MYH9: variants seen among roughly 807,000 people sequenced by gnomAD.
MYH9 encodes the protein myosin-9.
Under a neutral mutation model 241.9 loss-of-function variants are expected in MYH9, and 29 were observed. That is an observed-to-expected ratio of 0.12 (90% CI 0.09 to 0.16). MYH9 has a LOEUF of 0.16. MYH9 is among the 10% of genes least tolerant of loss of function. MYH9 has a pLI of 1.00. For synonymous variants in MYH9, 1,047 were observed against 1,062.6 expected (o/e 0.99, Z 0.29); for missense variants, 1,803 against 2,595.5 (o/e 0.69, Z 6.63).
At chr22:36,371,323 G>C (rs2018086698) in intron 1 of MYH9, among the ~76,000 whole-genome samples, 1 of 152,116 alleles carries the variant, frequency 6.6e-6, no homozygotes. Context: ...ACGAGGAAGA[G>C]ACACCAGGCG....
At chr22:36,337,299 C>G (rs1274486631) in intron 3 of MYH9, among the ~76,000 whole-genome samples, 1 of 152,164 alleles carries the variant, frequency 6.6e-6, no homozygotes, top group Non-Finnish European at 1.5e-5. Flanking sequence ...TCCCCCACCC[C>G]CAACAGAGAA....
chr22:36,348,678 C>A (rs1008974708), intron 2 of MYH9, among the ~76,000 whole-genome samples: 1 of 152,128 alleles, frequency 6.6e-6, no homozygotes, highest in African/African-American at 2.4e-5. Context: ...AAACAGGCTT[C>A]CTGTTTTGCT....
At chr22:36,297,151 A>G in intron 24 of MYH9, 137 bp from the exon 25 acceptor site, 1 of 967,956 alleles carries the variant, frequency 1.0e-6, no homozygotes. Flanking sequence ...AGACACTCGC[A>G]CCCAACTCCT....
At chr22:36,366,900 G>A (rs933043982) in intron 1 of MYH9, among the ~76,000 whole-genome samples, 5 of 150,322 alleles carry the variant, frequency 3.3e-5, no homozygotes, top group Admixed American at 1.3e-4. Flanking sequence ...TGATCCTAAC[G>A]GCCCCCAGGC....
At chr22:36,371,637 G>C (rs905787616) in intron 1 of MYH9, among the ~76,000 whole-genome samples, 1 of 152,140 alleles carries the variant, frequency 6.6e-6, no homozygotes, top group African/African-American at 2.4e-5. Flanking sequence ...CCAGGTTCAT[G>C]CGATTCTTCC....
intron 1 of MYH9, among the ~76,000 whole-genome samples, chr22:36,361,339 C>T (rs528902294): frequency 5.1e-4 from 78 of 152,286 alleles, no homozygotes; most frequent in African/African-American, 1.8e-3. Flanking sequence ...TCTGCCTTTG[C>T]CTCCTTGAAG....
Position 36,294,914 on chromosome 22 carries a change from C to A in MYH9, c.3630+18G>T, listed in dbSNP as rs2016764736. 6.2e-7 allele frequency: 1 copy of A among 1,610,674 alleles called. No individual in the cohort carries two copies. The highest frequency in any genetic ancestry group is 8.5e-7 in the Non-Finnish European group (1 of 1,179,984). ...GGGAACCCTGCCCTCCCCCTGCGGT[C>A]TCAGGGAGGCTCCGCACCCGCTTCG... On this transcript the variant is annotated intron_variant, in intron 27 of 40. Transcript: ENST00000216181.
intron 23 of MYH9, among the ~76,000 whole-genome samples, chr22:36,299,569 G>A (rs931498734): frequency 2.6e-5 from 4 of 152,164 alleles, no homozygotes; most frequent in African/African-American, 9.7e-5. Flanking sequence ...CCAGTCCCGG[G>A]TGGGCGTCCT....
chr22:36,348,841 G>GCCCCCCCCCCCC, intron 2 of MYH9, 63 bp downstream of exon 2: 40 of 1,041,734 alleles, frequency 3.8e-5, no homozygotes, highest in South Asian at 2.0e-4. Context: ...GGGAAGACCC[G>GCCCCCCCCCCCC]CCCCCCCCCC....
In MYH9 at chr22:36,296,266, G is replaced by A. The variant is rs140998775; in HGVS notation, c.3273-549C>T. 4.9e-3 allele frequency among the ~76,000 whole-genome samples: 747 copies of A among 152,012 alleles called. 5 individuals are homozygous for A. The highest frequency in any genetic ancestry group is 0.017 in the African/African-American group (715 of 41,460). On this transcript the variant is annotated intron_variant, in intron 25 of 40. Transcript: ENST00000216181. ...TTCTTTTTTTTTTAAACAGAGTCTC[G>A]CTCTGTCACCTAGGCTGGAGTGCAA...
chr22:36,318,467 T>C, intron 10 of MYH9, 142 bp from the exon 11 acceptor site: 1 of 769,160 alleles, frequency 1.3e-6, no homozygotes, highest in Non-Finnish European at 2.3e-6. Context: ...GAATGAGCAA[T>C]CATTACCAGG....
chr22:36,302,521 T>C (rs1388037703), intron 20 of MYH9, 47 bp downstream of exon 20: 1 of 1,444,448 alleles, frequency 6.9e-7, no homozygotes, highest in South Asian at 1.1e-5. Context: ...TGTATGGTGG[T>C]GTGCACCCGT....
intron 2 of MYH9, among the ~76,000 whole-genome samples, chr22:36,345,403 G>GTA (rs1342779489): frequency 6.6e-6 from 1 of 151,522 alleles, no homozygotes. Flanking sequence ...GTAAGGGGCA[G>GTA]AGCTGGGATT....
chr22:36,382,802 C>T (rs2018280058), intron 1 of MYH9, among the ~76,000 whole-genome samples: 2 of 151,912 alleles, frequency 1.3e-5, no homozygotes, highest in Non-Finnish European at 2.9e-5. Flanking sequence ...GACCCCATCT[C>T]AAATAAAGAA....
intron 3 of MYH9, among the ~76,000 whole-genome samples, chr22:36,332,250 T>C (rs1603483687): frequency 1.3e-5 from 2 of 152,280 alleles, no homozygotes; most frequent in Admixed American, 1.3e-4. Context: ...ATTCACAAGC[T>C]TGGGTTACAA....
chr22:36,307,133 C>G (rs540723121), intron 15 of MYH9, among the ~76,000 whole-genome samples: 3 of 152,346 alleles, frequency 2.0e-5, no homozygotes, highest in African/African-American at 7.2e-5. Flanking sequence ...CAGAACCTTG[C>G]AGGGTCCCCT....
At chr22:36,359,843 G>C (rs1382905234) in intron 1 of MYH9, among the ~76,000 whole-genome samples, 1 of 152,152 alleles carries the variant, frequency 6.6e-6, no homozygotes, top group Non-Finnish European at 1.5e-5. Flanking sequence ...GACAGAAGTG[G>C]AAAAACCACA....
chr22:36,296,228 A>C (rs565173838), intron 25 of MYH9, among the ~76,000 whole-genome samples: 4 of 152,206 alleles, frequency 2.6e-5, no homozygotes, highest in Admixed American at 2.6e-4. Flanking sequence ...CTACTCTAAA[A>C]AATAAAGTCT....
chr22:36,286,919 C>A (rs755438906), intron 34 of MYH9, 73 bp from the exon 35 acceptor site: 1 of 1,593,986 alleles, frequency 6.3e-7, no homozygotes, highest in Non-Finnish European at 8.5e-7. Context: ...TGGGTCACCT[C>A]GCCAACAGGG....
Sources: gnomAD v4.1 joint callset for allele counts (sites outside exome capture counted in the v4.1 genomes callset) on GRCh38, gnomAD v4.1.1 for gene constraint, MANE v1.5 for transcripts, NCBI Gene and HGNC (gene_info 2026-07-23, HGNC 2026-07-21) for gene names.